EIF2S3: variants seen among roughly 807,000 people sequenced by gnomAD.
EIF2S3 encodes the protein eukaryotic translation initiation factor 2 subunit 3.
Under a neutral mutation model 31.7 loss-of-function variants are expected in EIF2S3, and 2 were observed. The observed-to-expected ratio is 0.06, with a 90% confidence interval of 0.03 to 0.20. EIF2S3 has a LOEUF of 0.20. Among genes scored for constraint, EIF2S3 ranks in the 10% least tolerant of loss-of-function variants. The pLI is 1.00. For synonymous variants in EIF2S3, 120 were observed against 126.7 expected (o/e 0.95, Z 0.36); for missense variants, 96 against 359.3 (o/e 0.27, Z 5.92).
intron 6 of EIF2S3, among the ~76,000 whole-genome samples, chrX:24,063,616 C>T (rs902719692): frequency 5.4e-5 from 6 of 110,573 alleles, no homozygotes; most frequent in Non-Finnish European, 5.7e-5. Flanking sequence ...TCTGTCAATA[C>T]AAAAAATTAG....
chrX:24,072,680 CT>C (rs1324391886), intron 10 of EIF2S3, among the ~76,000 whole-genome samples: 216 of 110,816 alleles, frequency 1.9e-3, no homozygotes, highest in Non-Finnish European at 3.5e-3. Context: ...AGCTATCATG[CT>C]TTTTTTTCCC....
chrX:24,055,096 C>G, intron 1 of EIF2S3, 59 bp downstream of exon 1: 1 of 1,155,709 alleles, frequency 8.7e-7, no homozygotes, highest in Non-Finnish European at 1.2e-6. Context: ...GACCGAGCCT[C>G]CCGGTGGTAT....
intron 10 of EIF2S3, 41 bp downstream of exon 10, chrX:24,071,768 CAA>C (rs1344285406): frequency 1.6e-5 from 18 of 1,147,000 alleles, no homozygotes; most frequent in South Asian, 3.8e-5. Context: ...AAAAAAGTGA[CAA>C]ATGGGAGTGT....
chrX:24,060,092 G>T lies in EIF2S3; in HGVS notation c.388G>T (p.Val130Phe). 1 of 1,202,709 alleles carries T rather than the reference G, an allele frequency of 8.3e-7. No individual in the cohort carries two copies. Among genetic ancestry groups the T allele is most frequent in the Non-Finnish European group, 1.1e-6 (1 of 887,364 alleles). ...TKGNFKLVRH[V>F]SFVDCPGHDI... ...TTGTTATTTCTCAATCATTAGACAT[G>T]TTTCCTTTGTTGACTGTCCTGGCCA... Residue 130 changes from valine (V) to phenylalanine (F), a missense_variant, in exon 5 of 12, where the codon GTT (valine) becomes TTT (phenylalanine). Physicochemically the swap from Val to Phe is conservative, Grantham distance 50. Coordinates refer to ENST00000253039, the MANE Select transcript of EIF2S3 (RefSeq NM_001415.4).
chrX:24,069,646 A>G (rs1231890859), intron 9 of EIF2S3, among the ~76,000 whole-genome samples: 3 of 105,877 alleles, frequency 2.8e-5, no homozygotes, highest in Non-Finnish European at 5.8e-5. Context: ...GGAAATCTGG[A>G]AACTTTTTAA....
rs777216442 is a variant in EIF2S3 at position 24,071,595 on chromosome X, T to C, written c.1050T>C (p.Ala350=). 2 of 1,211,256 alleles carry C rather than the reference T, an allele frequency of 1.7e-6. No individual in the cohort carries two copies. Among genetic ancestry groups the C allele is most frequent in the Non-Finnish European group, 2.2e-6 (2 of 895,450 alleles). ...AAATTGACCCCACTTTGTGCCGGGCTGACAGAATGGTGGGGCAAGTACTTG... is the reference window on the plus strand; with the variant it reads ...AAATTGACCCCACTTTGTGCCGGGCCGACAGAATGGTGGGGCAAGTACTTG... ...GTKIDPTLCR[A]DRMVGQVLGA... is the part of the protein sequence containing the mutation. Residue 350 remains alanine, a synonymous_variant, in exon 10 of 12, where the codon GCT becomes GCC. Transcript: ENST00000253039.
At chrX:24,062,225 A>G (rs1181009056) in intron 5 of EIF2S3, among the ~76,000 whole-genome samples, 191 bp from the exon 6 acceptor site, 2 of 110,764 alleles carry the variant, frequency 1.8e-5, no homozygotes, top group Admixed American at 1.9e-4. Context: ...ATCTAGTTCC[A>G]GAACTTTTGT....
intron 9 of EIF2S3, among the ~76,000 whole-genome samples, chrX:24,070,728 C>T (rs1426881495): frequency 9.0e-6 from 1 of 111,349 alleles, no homozygotes; most frequent in Admixed American, 9.6e-5. Context: ...TGAGCCACTG[C>T]GCCTGGCCCA....
At chrX:24,071,791 T>A in intron 10 of EIF2S3, 64 bp downstream of exon 10, 13 of 1,065,336 alleles carry the variant, frequency 1.2e-5, no homozygotes, top group Non-Finnish European at 1.5e-5. Flanking sequence ...TAAACCAGTG[T>A]TGAGTTTTAT....
intron 11 of EIF2S3, 117 bp from the exon 12 acceptor site, chrX:24,076,605 G>A: frequency 1.5e-6 from 1 of 677,167 alleles, no homozygotes; most frequent in Middle Eastern, 3.0e-4. Context: ...GGAGGAGCAG[G>A]CTTTGGGAAC....
chrX:24,059,682 C>T (rs1451102040), intron 4 of EIF2S3, among the ~76,000 whole-genome samples: 1 of 112,077 alleles, frequency 8.9e-6, no homozygotes, highest in Non-Finnish European at 1.9e-5. Context: ...CTTGGCCTCC[C>T]AAAGTGCTGG....
At chrX:24,059,581 A>T (rs748447289) in intron 4 of EIF2S3, among the ~76,000 whole-genome samples, 1 of 110,498 alleles carries the variant, frequency 9.0e-6, no homozygotes, top group Non-Finnish European at 1.9e-5. Flanking sequence ...CACCAGCTAC[A>T]TGTGGCTAAT....
At chrX:24,072,623 G>C (rs902671415) in intron 10 of EIF2S3, among the ~76,000 whole-genome samples, 1 of 111,692 alleles carries the variant, frequency 9.0e-6, no homozygotes, top group Admixed American at 9.6e-5. Context: ...GGTTGGCAGA[G>C]ATGGGAAATT....
chrX:24,067,247 A>G (rs956263018), intron 8 of EIF2S3, among the ~76,000 whole-genome samples: 11 of 110,967 alleles, frequency 9.9e-5, no homozygotes, highest in African/African-American at 3.6e-4. Context: ...CATATTGGCC[A>G]GGCTGGTCTC....
chrX:24,069,276 G>C (rs1396966558), intron 9 of EIF2S3, among the ~76,000 whole-genome samples: 2 of 108,086 alleles, frequency 1.9e-5, no homozygotes, highest in Non-Finnish European at 3.8e-5. Context: ...CGGCTACTCG[G>C]GAGGCTGAGG....
rs949281974 is a variant in EIF2S3 at position 24,064,428 on chromosome X, G to T, written c.772+93G>T. 8 of 1,015,278 alleles carry T rather than the reference G, an allele frequency of 7.9e-6. No individual in the cohort carries two copies. The African/African-American group carries it at 1.6e-4, about 20-fold the overall frequency. The allele number at this position is 1,015,278 out of a possible 1,213,427, so 83.7% of individuals were successfully genotyped here. On this transcript the variant is annotated intron_variant, in intron 7 of 11. Transcript: ENST00000253039. Reference sequence around the variant, plus strand: ...ATGTTTATTAATATTTCCTCTTTCTGCAGAGGTGATAATTCATACAATTTT... The same window carrying T: ...ATGTTTATTAATATTTCCTCTTTCTTCAGAGGTGATAATTCATACAATTTT...
At chrX:24,064,157 TA>T in intron 6 of EIF2S3, 43 bp from the exon 7 acceptor site, 1 of 1,055,126 alleles carries the variant, frequency 9.5e-7, no homozygotes, top group African/African-American at 1.9e-5. Context: ...GAATAAATTT[TA>T]TAAAACTGTA....
At chrX:24,073,368 C>T in intron 11 of EIF2S3, 105 bp downstream of exon 11, 1 of 993,568 alleles carries the variant, frequency 1.0e-6, no homozygotes, top group Non-Finnish European at 1.4e-6. Flanking sequence ...CTGTGGCTTT[C>T]AGTCTCAACT....
intron 5 of EIF2S3, among the ~76,000 whole-genome samples, chrX:24,061,999 A>C (rs1280746376): frequency 9.0e-6 from 1 of 111,667 alleles, no homozygotes; most frequent in East Asian, 2.8e-4. Flanking sequence ...AGGATGAAGC[A>C]GGGCCAAAAG....
Sources: gnomAD v4.1 joint callset for allele counts (sites outside exome capture counted in the v4.1 genomes callset) on GRCh38, gnomAD v4.1.1 for gene constraint, MANE v1.5 for transcripts, NCBI Gene and HGNC (gene_info 2026-07-23, HGNC 2026-07-21) for gene names.